DPYD: variants seen among roughly 807,000 people sequenced by gnomAD.
The protein encoded by DPYD is dihydropyrimidine dehydrogenase [NADP(+)].
A neutral mutation model predicts 116.2 loss-of-function variants in DPYD; 109 were observed. The observed-to-expected ratio is 0.94, with a 90% CI of 0.80 to 1.10. The LOEUF (loss-of-function observed/expected upper bound fraction) is 1.10, where lower values mean the gene tolerates loss of function less well. Ranked by LOEUF, DPYD falls within the 50% of genes least tolerant of loss-of-function variation. The probability of loss-of-function intolerance (pLI) is 0.00; values close to 1 mark genes in which losing one functional copy is unlikely to be tolerated. For missense variants in DPYD, 1,302 were observed against 1,254.5 expected (o/e 1.04, Z -0.57); for synonymous variants, 440 against 432.0 (o/e 1.02, Z -0.23).
At chr1:97,131,505 A>T (rs1030258430) in intron 20 of DPYD, among the ~76,000 whole-genome samples, 3 of 152,186 alleles carry the variant, frequency 2.0e-5, no homozygotes, top group Admixed American at 1.3e-4. Context: ...GCACAAGAAG[A>T]AGATCAAAGA....
chr1:97,581,369 G>A (rs1653659510), intron 10 of DPYD, among the ~76,000 whole-genome samples: 1 of 147,668 alleles, frequency 6.8e-6, no homozygotes, highest in South Asian at 2.2e-4. Flanking sequence ...GCCAAGTTAG[G>A]AATCTTTGTC....
In DPYD at chr1:97,581,745, C is replaced by CAAAA. The variant is rs1226325704; in HGVS notation, c.1129-7779_1129-7776dup. Among the ~76,000 whole-genome samples, 183 of 61,866 alleles carry CAAAA rather than the reference C, an allele frequency of 3.0e-3. 1 individual carries two copies. The highest frequency in any genetic ancestry group is 3.4e-3 in the Non-Finnish European group (102 of 30,168). 40.6% of individuals were successfully genotyped at this position (61,866 alleles called of 152,430 possible). A position where few individuals can be genotyped will look rare whatever the true frequency, so the allele number is the denominator to read the frequency against. The stretch of plus-strand genomic sequence containing the variant: ...TTGGTGACACAGCAAGATCCTGTCT[C>CAAAA]AAAAAAAAAAAAAAAAAAAAAAGAA... On this transcript the variant is annotated intron_variant, in intron 10 of 22. Transcript: ENST00000370192.
intron 22 of DPYD, among the ~76,000 whole-genome samples, chr1:97,081,049 T>C (rs1451937928): frequency 1.3e-5 from 2 of 152,052 alleles, no homozygotes; most frequent in Non-Finnish European, 2.9e-5. Flanking sequence ...TTTATAAAAA[T>C]AACGGTTAAG....
intron 8 of DPYD, among the ~76,000 whole-genome samples, chr1:97,616,521 T>A (rs1045790283): frequency 1.3e-5 from 2 of 152,180 alleles, no homozygotes; most frequent in African/African-American, 4.8e-5. Flanking sequence ...TACCTATTGT[T>A]CACTTAATTA....
chr1:97,528,616 C>T (rs1311799790), intron 12 of DPYD, among the ~76,000 whole-genome samples: 1 of 152,084 alleles, frequency 6.6e-6, no homozygotes. Context: ...AATAACTATT[C>T]CTCCCCAGTT....
In DPYD at chr1:97,916,014, G is replaced by T. The variant is rs903100356; in HGVS notation, c.39+4870C>A. Among the ~76,000 whole-genome samples the T allele has an allele frequency of 3.9e-5, 6 of 152,154 alleles. No homozygotes were observed. The Middle Eastern group carries it at 0.014, about 345-fold the overall frequency. Reference sequence around the variant, plus strand: ...GATCAGACATCTTTATTTTACTAGGGGTTCCAGCTTTCAGCCCTTGTGTTG... The same window carrying T: ...GATCAGACATCTTTATTTTACTAGGTGTTCCAGCTTTCAGCCCTTGTGTTG... On this transcript the variant is annotated intron_variant, in intron 1 of 22. Transcript: ENST00000370192.
Position 97,222,575 on chromosome 1 carries a change from T to C in DPYD, c.2442+12277A>G, listed in dbSNP as rs189583678. On this transcript the variant is annotated intron_variant, in intron 19 of 22. Transcript: ENST00000370192. ...CTAGAATCAAGATGCTTTTTAAATA[T>C]GAAAACCTCTTGAAAATAACCTTTC... 1.8e-3 allele frequency among the ~76,000 whole-genome samples: 281 copies of C among 152,242 alleles called. 2 individuals carry two copies. Among genetic ancestry groups the C allele is most frequent in the Middle Eastern group, 0.017 (5 of 292 alleles).
chr1:97,744,757 C>T (rs1434544807), intron 3 of DPYD, among the ~76,000 whole-genome samples: 1 of 151,948 alleles, frequency 6.6e-6, no homozygotes, highest in African/African-American at 2.4e-5. Flanking sequence ...CTATAAGCAC[C>T]AGTGTAGGAA....
chr1:97,181,849 C>T (rs1322140207), intron 20 of DPYD, among the ~76,000 whole-genome samples: 1 of 152,116 alleles, frequency 6.6e-6, no homozygotes, highest in Non-Finnish European at 1.5e-5. Context: ...TGATTGCTTA[C>T]AACTACATGC....
rs539826972 is a variant in DPYD, at chr1:97,777,969, C to A, written c.234-37490G>T. Among the ~76,000 whole-genome samples, 14 of 151,714 alleles carry A rather than the reference C, an allele frequency of 9.2e-5. No homozygotes were observed. In the South Asian group the frequency reaches 2.9e-3, roughly 32 times the overall value. ...GGTCAGGAGTTTGAGACCAGCCTGG[C>A]CAACATGGTGCAACCCCATCTCTAC... On this transcript the variant is annotated intron_variant, in intron 3 of 22. Coordinates refer to ENST00000370192, the MANE Select transcript of DPYD (RefSeq NM_000110.4).
At chr1:97,546,970 C>T (rs774967896) in intron 12 of DPYD, 1 of 1,604,486 alleles carries the variant, frequency 6.2e-7, no homozygotes, top group Admixed American at 1.7e-5. Context: ...CTAAGCAGTA[C>T]TCTGAATGGA....
chr1:97,654,216 T>C (rs372521751), intron 8 of DPYD, among the ~76,000 whole-genome samples: 1 of 152,202 alleles, frequency 6.6e-6, no homozygotes, highest in African/African-American at 2.4e-5. Context: ...TCTAATATGA[T>C]GGATAGATAA....
chr1:97,274,578 C>T (rs112375767), intron 18 of DPYD, among the ~76,000 whole-genome samples: 7 of 152,162 alleles, frequency 4.6e-5, no homozygotes, highest in African/African-American at 1.7e-4. Flanking sequence ...TATAGCAAGG[C>T]GAAATGGACT....
intron 8 of DPYD, among the ~76,000 whole-genome samples, chr1:97,678,008 A>G (rs755753665): frequency 1.3e-5 from 2 of 152,206 alleles, no homozygotes; most frequent in Non-Finnish European, 2.9e-5. Flanking sequence ...TTTATATTAA[A>G]AATGAGTAAC....
intron 11 of DPYD, among the ~76,000 whole-genome samples, chr1:97,566,932 T>C (rs977207474): frequency 6.6e-6 from 1 of 152,178 alleles, no homozygotes; most frequent in Admixed American, 6.6e-5. Context: ...AAATCAAACA[T>C]ACTGATTCCA....
chr1:97,850,866 G>A (rs1670536661), intron 2 of DPYD, among the ~76,000 whole-genome samples: 1 of 151,866 alleles, frequency 6.6e-6, no homozygotes, highest in Admixed American at 6.6e-5. Context: ...CAAATCAATG[G>A]TGATTTTTAA....
At chr1:97,365,509 T>C (rs74105111) in intron 16 of DPYD, among the ~76,000 whole-genome samples, 17,742 of 152,232 alleles carry the variant, frequency 0.12, 1,338 homozygotes, top group East Asian at 0.29. Flanking sequence ...TTCTGCTATA[T>C]TTCTCAAACT....
chr1:97,881,311 CA>C (rs1672206929), intron 2 of DPYD, among the ~76,000 whole-genome samples: 1 of 151,982 alleles, frequency 6.6e-6, no homozygotes, highest in African/African-American at 2.4e-5. Flanking sequence ...ACACCATCTA[CA>C]AGCCAAGGAG....
intron 4 of DPYD, among the ~76,000 whole-genome samples, chr1:97,725,111 G>A (rs749608065): frequency 6.6e-6 from 1 of 151,622 alleles, no homozygotes; most frequent in East Asian, 1.9e-4. Context: ...AAACTTACAG[G>A]ATACAAGATT....
Sources: allele counts gnomAD v4.1 joint callset (sites outside exome capture counted in the v4.1 genomes callset), GRCh38; gene constraint gnomAD v4.1.1; transcripts MANE v1.5; gene names NCBI Gene and HGNC (gene_info 2026-07-23, HGNC 2026-07-21).